The following DLGAP2 variants were observed in gnomAD, a reference collection of about 807,000 sequenced individuals.
DLGAP2 encodes the protein disks large-associated protein 2.
A neutral mutation model predicts 100.3 loss-of-function variants in DLGAP2; 26 were observed. The ratio of observed to expected loss-of-function variants is 0.26; its 90% CI spans 0.19 to 0.36. The LOEUF (loss-of-function observed/expected upper bound fraction) is 0.36, where lower values mean the gene tolerates loss of function less well. Ranked by LOEUF, DLGAP2 falls within the 10% of genes least tolerant of loss-of-function variation. DLGAP2 has a pLI of 1.00. For synonymous variants in DLGAP2, 886 were observed against 630.1 expected (o/e 1.41, Z -6.08); for missense variants, 1,858 against 1,453.2 (o/e 1.28, Z -4.53).
chr8:1,135,929 G>A (rs117404605), intron 2 of DLGAP2, among the ~76,000 whole-genome samples: 2,095 of 152,286 alleles, frequency 0.014, 24 homozygotes, highest in Non-Finnish European at 0.023. Context: ...GTTAAGAAAC[G>A]AGATTTAAAC....
intron 1 of DLGAP2, among the ~76,000 whole-genome samples, chr8:744,154 C>G (rs1311628523): frequency 1.3e-5 from 2 of 152,210 alleles, no homozygotes; most frequent in East Asian, 3.9e-4. Context: ...TCTTCTGTCT[C>G]TCATCTTGTG....
intron 3 of DLGAP2, among the ~76,000 whole-genome samples, chr8:1,321,627 T>G (rs922386271): frequency 6.6e-6 from 1 of 152,250 alleles, no homozygotes; most frequent in East Asian, 1.9e-4. Flanking sequence ...TTTTTTCATT[T>G]TCACCTTTAG....
At chr8:1,148,327 T>C (rs1796640774) in intron 2 of DLGAP2, among the ~76,000 whole-genome samples, 1 of 152,170 alleles carries the variant, frequency 6.6e-6, no homozygotes, top group Non-Finnish European at 1.5e-5. Context: ...TCTGATGTTA[T>C]TGCTTTAAGC....
intron 3 of DLGAP2, among the ~76,000 whole-genome samples, chr8:1,458,658 C>T (rs781557925): frequency 3.9e-5 from 6 of 152,206 alleles, no homozygotes; most frequent in Non-Finnish European, 5.9e-5. Flanking sequence ...CACAGACCTG[C>T]GTGTGGCTTC....
chr8:1,687,967 G>A (rs898432814), intron 12 of DLGAP2, among the ~76,000 whole-genome samples: 1 of 152,154 alleles, frequency 6.6e-6, no homozygotes. Flanking sequence ...CAAAAGCAAA[G>A]ATGATTCCTC....
At chr8:1,392,346 C>G (rs1194298798) in intron 3 of DLGAP2, among the ~76,000 whole-genome samples, 1 of 152,114 alleles carries the variant, frequency 6.6e-6, no homozygotes, top group East Asian at 1.9e-4. Context: ...TTACCCGTTA[C>G]CTGCACTCCC....
chr8:867,632 T>G (rs1797523411), intron 1 of DLGAP2, among the ~76,000 whole-genome samples: 1 of 152,214 alleles, frequency 6.6e-6, no homozygotes, highest in Non-Finnish European at 1.5e-5. Flanking sequence ...TGATGATGAA[T>G]AAGTCACTGA....
chr8:1,509,552 C>A (rs778453901), intron 4 of DLGAP2, among the ~76,000 whole-genome samples: 1 of 151,662 alleles, frequency 6.6e-6, no homozygotes, highest in Non-Finnish European at 1.5e-5. Context: ...GAAAGGAAGT[C>A]GCTTTTGTGC....
At chr8:1,654,662 A>AAC (rs35267355) in intron 8 of DLGAP2, among the ~76,000 whole-genome samples, 1 of 80,136 alleles carries the variant, frequency 1.2e-5, no homozygotes. Flanking sequence ...ACTCCGTCTC[A>AAC]AAAAAAAAAA....
chr8:1,681,561 G>A (rs774506793), intron 12 of DLGAP2, among the ~76,000 whole-genome samples: 4 of 152,032 alleles, frequency 2.6e-5, no homozygotes, highest in Non-Finnish European at 5.9e-5. Flanking sequence ...AGGAGGCTAA[G>A]GTGGGAGGAT....
rs1798146718 is a variant in DLGAP2, at chr8:1,650,909, A to C, written c.1811-17420A>C. Among the ~76,000 whole-genome samples the C allele has an allele frequency of 2.6e-5, 4 of 152,188 alleles. No individual in the cohort carries two copies. The South Asian group carries it at 8.3e-4, about 32-fold the overall frequency. Reference sequence around the variant, plus strand: ...GCAGAGATGGGAGGAGAGTAGAGACAGAAGCTTGGGTGACAGTTGCTGGAG... The same window carrying C: ...GCAGAGATGGGAGGAGAGTAGAGACCGAAGCTTGGGTGACAGTTGCTGGAG... On this transcript the variant is annotated intron_variant, in intron 8 of 14. Transcript: ENST00000637795.
intron 4 of DLGAP2, among the ~76,000 whole-genome samples, chr8:1,542,986 G>A (rs1801413638): frequency 6.6e-6 from 1 of 152,152 alleles, no homozygotes; most frequent in South Asian, 2.1e-4. Context: ...CTTTCTGTGT[G>A]CTCTTTCGCC....
chr8:776,077 G>A (rs1461473456), intron 1 of DLGAP2, among the ~76,000 whole-genome samples: 1 of 151,630 alleles, frequency 6.6e-6, no homozygotes. Flanking sequence ...GTTTAGTCTT[G>A]GGAGAGTGTA....
At chr8:1,607,428 G>A (rs1796835506) in intron 6 of DLGAP2, among the ~76,000 whole-genome samples, 1 of 152,160 alleles carries the variant, frequency 6.6e-6, no homozygotes, top group Non-Finnish European at 1.5e-5. Flanking sequence ...CTTTCTCAAA[G>A]GAAATCTAAT....
intron 3 of DLGAP2, among the ~76,000 whole-genome samples, chr8:1,456,280 A>G (rs4875861): frequency 0.52 from 78,496 of 152,008 alleles, 20,930 homozygotes; most frequent in East Asian, 0.84. Flanking sequence ...TGTGGGTTAC[A>G]GAATGTTTCT....
At chr8:921,151 C>T (rs1425680703) in intron 2 of DLGAP2, among the ~76,000 whole-genome samples, 1 of 152,108 alleles carries the variant, frequency 6.6e-6, no homozygotes, top group African/African-American at 2.4e-5. Context: ...CATCTCAGGC[C>T]CTTTTCTTCC....
intron 2 of DLGAP2, among the ~76,000 whole-genome samples, chr8:1,211,849 T>A (rs75685618): frequency 6.6e-6 from 1 of 152,224 alleles, no homozygotes; most frequent in African/African-American, 2.4e-5. Context: ...CACTCCAGCC[T>A]GGATGACAGA....
At chr8:1,058,153 A>AGCTTGACTG (rs1196609724) in intron 2 of DLGAP2, among the ~76,000 whole-genome samples, 1 of 151,520 alleles carries the variant, frequency 6.6e-6, no homozygotes, top group African/African-American at 2.4e-5. Flanking sequence ...TGGATTGACT[A>AGCTTGACTG]GCGGCGGGTC....
At chr8:747,596 C>T (rs1280371498) in intron 1 of DLGAP2, among the ~76,000 whole-genome samples, 4 of 78,676 alleles carry the variant, frequency 5.1e-5, no homozygotes, top group East Asian at 6.7e-4. Context: ...GGCTCCATGA[C>T]GGGACGGGCA....
Sources: gnomAD v4.1 joint callset for allele counts (sites outside exome capture counted in the v4.1 genomes callset) on GRCh38, gnomAD v4.1.1 for gene constraint, MANE v1.5 for transcripts, NCBI Gene and HGNC (gene_info 2026-07-23, HGNC 2026-07-21) for gene names.